ABCA6: variants seen among roughly 807,000 people sequenced by gnomAD.
ABCA6 encodes ATP-binding cassette sub-family A member 6.
Under a neutral mutation model 191.2 loss-of-function variants are expected in ABCA6, and 164 were observed. That is an observed-to-expected ratio of 0.86 (90% CI 0.76 to 0.98). The LOEUF is 0.98. ABCA6 is among the 50% of genes least tolerant of loss of function. The pLI is 0.00. For synonymous variants in ABCA6, 636 were observed against 647.7 expected, an observed-to-expected ratio of 0.98 and a Z score of 0.27; for missense variants, 1,958 against 1,894.1, an observed-to-expected ratio of 1.03 and a Z score of -0.63.
chr17:69,133,539 A>G (rs550543296), intron 6 of ABCA6, 102 bp downstream of exon 6: 5 of 856,726 alleles, frequency 5.8e-6, no homozygotes, highest in East Asian at 5.2e-5. Flanking sequence ...AAAGTAGCCA[A>G]TGCATCAAGT....
At chr17:69,084,156 G>A in intron 34 of ABCA6, 105 bp downstream of exon 34, 1 of 939,540 alleles carries the variant, frequency 1.1e-6, no homozygotes, top group Non-Finnish European at 1.6e-6. Flanking sequence ...TATTTCCACT[G>A]AATCAGGAAC....
At chr17:69,107,910 T>C (rs2073340038) in intron 17 of ABCA6, 98 bp from the exon 18 acceptor site, 2 of 759,688 alleles carry the variant, frequency 2.6e-6, no homozygotes, top group African/African-American at 1.8e-5. Flanking sequence ...ATAATATTGT[T>C]AAGAAAATTA....
Position 69,123,332 on chromosome 17 carries a change from G to A in ABCA6, c.1343C>T (p.Ala448Val). ...SSCFQHQRTN[A>V]KVIEKEIDAE... ...ATCGATTTCTTTCTCAATAACCTTAGCATTAGTCCTTTGGTGTTGGAAACA... is the reference window on the plus strand; with the variant it reads ...ATCGATTTCTTTCTCAATAACCTTAACATTAGTCCTTTGGTGTTGGAAACA... Residue 448 changes from alanine to valine, a missense_variant, in exon 10 of 39, where the codon GCT becomes GTT. Transcript: ENST00000284425. The A allele has an allele frequency of 6.3e-7, 1 of 1,577,576 alleles. No individual in the cohort carries two copies. The highest frequency in any genetic ancestry group is 8.6e-7 in the Non-Finnish European group (1 of 1,157,044).
chr17:69,079,214 T>C lies in ABCA6; in HGVS notation c.4748A>G (p.Glu1583Gly). The change falls in exon 38 of 39, where the codon GAG (glutamate) becomes GGG (glycine). Residue 1583 changes from glutamate (E) to glycine (G), a missense_variant. Glu to Gly is a moderately conservative substitution (Grantham distance 98, BLOSUM62 -2). Coordinates refer to ENST00000284425, the MANE Select transcript of ABCA6 (RefSeq NM_080284.3). ...EEYSLSQCTL[E>G]KVFLELSKEQ... ...AAGTCAAACCACTTGACTTACCTTCTCCAGTGTGCACTGAGAAAGGCTGTA... is the reference window on the plus strand; with the variant it reads ...AAGTCAAACCACTTGACTTACCTTCCCCAGTGTGCACTGAGAAAGGCTGTA... 1 of 1,609,120 alleles carries C rather than the reference T, an allele frequency of 6.2e-7. No homozygotes were observed. Among genetic ancestry groups the C allele is most frequent in the South Asian group, 1.1e-5 (1 of 89,714 alleles).
intron 10 of ABCA6, among the ~76,000 whole-genome samples, chr17:69,122,726 C>A (rs914875028): frequency 3.3e-5 from 5 of 151,666 alleles, no homozygotes; most frequent in African/African-American, 1.2e-4. Context: ...GAGAAAGAGG[C>A]AGAAAGGGGG....
Position 69,086,690 on chromosome 17 carries a change from G to A in ABCA6, c.3865C>T (p.Gln1289Ter). The A allele has an allele frequency of 6.2e-7, 1 of 1,612,400 alleles. No individual in the cohort carries two copies. Among genetic ancestry groups the A allele is most frequent in the Non-Finnish European group, 8.5e-7 (1 of 1,179,222 alleles). Residue 1289 changes from glutamine to a stop codon, truncating the protein, a stop_gained, in exon 30 of 39, where the codon CAG becomes TAG. Transcript: ENST00000284425. LOFTEE classifies it high-confidence loss of function. Reference sequence around the variant, plus strand: ...CTCTTTGAAAAGCAACTTTTCTTCTGGCCTGCATATTCTTTGTGTAGACAG... The same window carrying A: ...CTCTTTGAAAAGCAACTTTTCTTCTAGCCTGCATATTCTTTGTGTAGACAG... ...ASCLHKEYAG[Q>*]KKSCFSKRKK...
chr17:69,079,693 C>A (rs559386398), intron 37 of ABCA6, among the ~76,000 whole-genome samples: 5 of 152,288 alleles, frequency 3.3e-5, no homozygotes, highest in South Asian at 4.1e-4. Context: ...CAGTTGTCAC[C>A]AGATTCACAT....
intron 22 of ABCA6, chr17:69,098,407 A>C (rs1390463672): frequency 6.3e-6 from 1 of 157,710 alleles, no homozygotes; most frequent in Admixed American, 6.5e-5. Context: ...AAAAAGGATC[A>C]CTTGAGGTCA....
At chr17:69,083,091 GAAGAA>G in intron 35 of ABCA6, 78 bp from the exon 36 acceptor site, 3 of 1,587,914 alleles carry the variant, frequency 1.9e-6, no homozygotes, top group Non-Finnish European at 2.6e-6. Context: ...TTCAAATGTA[GAAGAA>G]AAGGTGTCAC....
chr17:69,128,337 T>C (rs1378256396), intron 8 of ABCA6, among the ~76,000 whole-genome samples: 1 of 151,960 alleles, frequency 6.6e-6, no homozygotes, highest in Non-Finnish European at 1.5e-5. Context: ...GTTAAATGAA[T>C]AGTAATAAAA....
intron 2 of ABCA6, among the ~76,000 whole-genome samples, chr17:69,138,487 G>A (rs974216230): frequency 6.6e-6 from 1 of 152,062 alleles, no homozygotes; most frequent in African/African-American, 2.4e-5. Context: ...TCATGGGTAG[G>A]AAGAATCAAT....
chr17:69,105,378 G>T, intron 20 of ABCA6, 84 bp downstream of exon 20: 1 of 1,316,908 alleles, frequency 7.6e-7, no homozygotes, highest in Non-Finnish European at 1.0e-6. Context: ...CTTCTCTTAT[G>T]ATTCACTTCC....
chr17:69,079,342 A>T, intron 37 of ABCA6, 77 bp from the exon 38 acceptor site: 1 of 1,128,454 alleles, frequency 8.9e-7, no homozygotes, highest in Admixed American at 2.4e-5. Flanking sequence ...AATCATAAAG[A>T]ATAAAAATGT....
chr17:69,079,475 T>G (rs894275741), intron 37 of ABCA6, among the ~76,000 whole-genome samples: 1 of 152,252 alleles, frequency 6.6e-6, no homozygotes, highest in Non-Finnish European at 1.5e-5. Context: ...TCTCATATTA[T>G]GTTTCAATAA....
At chr17:69,126,926 G>A (rs1175642824) in intron 8 of ABCA6, among the ~76,000 whole-genome samples, 1 of 152,128 alleles carries the variant, frequency 6.6e-6, no homozygotes, top group Non-Finnish European at 1.5e-5. Context: ...GTTACTGCCA[G>A]ATATCAAGAC....
intron 27 of ABCA6, 65 bp from the exon 28 acceptor site, chr17:69,088,323 T>C: frequency 1.6e-6 from 2 of 1,266,940 alleles, no homozygotes; most frequent in Non-Finnish European, 2.2e-6. Context: ...AATATTTGAA[T>C]TAAGTTGGTG....
chr17:69,105,673 AT>A, intron 19 of ABCA6, 45 bp from the exon 20 acceptor site: 1 of 1,333,156 alleles, frequency 7.5e-7, no homozygotes, highest in African/African-American at 1.5e-5. Flanking sequence ...CAGGAATTTT[AT>A]TTATTTAGTA....
intron 26 of ABCA6, among the ~76,000 whole-genome samples, chr17:69,090,005 C>T (rs1005347064): frequency 6.6e-6 from 1 of 152,138 alleles, no homozygotes; most frequent in Non-Finnish European, 1.5e-5. Flanking sequence ...AGTTCCAGCA[C>T]GTTATTCTTT....
intron 8 of ABCA6, among the ~76,000 whole-genome samples, chr17:69,126,070 A>G (rs1027055461): frequency 1.3e-5 from 2 of 152,100 alleles, no homozygotes; most frequent in African/African-American, 4.8e-5. Flanking sequence ...TAGGAAAAAG[A>G]AATAAAAAGC....
Sources: gnomAD v4.1 joint callset for allele counts (sites outside exome capture counted in the v4.1 genomes callset) on GRCh38, gnomAD v4.1.1 for gene constraint, MANE v1.5 for transcripts, NCBI Gene and HGNC (gene_info 2026-07-23, HGNC 2026-07-21) for gene names.